TTC28: variants seen among roughly 807,000 people sequenced by gnomAD.
TTC28 encodes tetratricopeptide repeat domain 28.
A neutral mutation model predicts 198.0 loss-of-function variants in TTC28; 61 were observed. The ratio of observed to expected loss-of-function variants is 0.31; its 90% CI spans 0.25 to 0.38. TTC28 has a LOEUF of 0.38. Among genes scored for constraint, TTC28 ranks in the 10% least tolerant of loss-of-function variants. The probability of loss-of-function intolerance (pLI) is 1.00; values close to 1 mark genes in which losing one functional copy is unlikely to be tolerated. For missense variants in TTC28, 2,678 were observed against 3,164.0 expected, an observed-to-expected ratio of 0.85 and a Z score of 3.69; for synonymous variants, 1,171 against 1,297.8, an observed-to-expected ratio of 0.90 and a Z score of 2.10.
rs369634124 is a variant in TTC28 at position 28,284,602 on chromosome 22, T to G, written c.933+11596A>C. Among the ~76,000 whole-genome samples the G allele has an allele frequency of 2.0e-4, 30 of 151,948 alleles. 1 individual carries two copies. Among genetic ancestry groups the G allele is most frequent in the East Asian group, 1.9e-3 (10 of 5,170 alleles). On this transcript the variant is annotated intron_variant, in intron 5 of 22. Transcript: ENST00000397906. ...GGCAATCTACGGAATGGCAGAAAAT[T>G]TATAAAATACATATTATATAAGGGA...
chr22:28,571,755 C>A (rs1396658049), intron 2 of TTC28, among the ~76,000 whole-genome samples: 1 of 151,914 alleles, frequency 6.6e-6, no homozygotes, highest in African/African-American at 2.4e-5. Context: ...TCGAGGCCAG[C>A]CTGACAAACA....
At chr22:28,198,718 A>G (rs1159123856) in intron 5 of TTC28, among the ~76,000 whole-genome samples, 1 of 152,124 alleles carries the variant, frequency 6.6e-6, no homozygotes, top group Non-Finnish European at 1.5e-5. Flanking sequence ...CCACACACGT[A>G]TTGAGACTCA....
intron 1 of TTC28, among the ~76,000 whole-genome samples, chr22:28,652,405 G>T (rs2051579069): frequency 6.6e-6 from 1 of 152,168 alleles, no homozygotes; most frequent in Non-Finnish European, 1.5e-5. Context: ...TCTAATTGCT[G>T]TCAGAAATAA....
intron 1 of TTC28, chr22:28,642,990 C>G (rs916940072): frequency 6.6e-6 from 1 of 152,070 alleles, no homozygotes; most frequent in Non-Finnish European, 1.5e-5. Flanking sequence ...GAGACAGGGT[C>G]TCAGCCCAGG....
chr22:28,529,520 G>A (rs1216225529), intron 2 of TTC28, among the ~76,000 whole-genome samples: 1 of 152,240 alleles, frequency 6.6e-6, no homozygotes, highest in African/African-American at 2.4e-5. Context: ...AACTTCTGCA[G>A]ACTTAAACGT....
At chr22:28,037,210 AC>A (rs1939396284) in intron 12 of TTC28, among the ~76,000 whole-genome samples, 1 of 152,176 alleles carries the variant, frequency 6.6e-6, no homozygotes, top group African/African-American at 2.4e-5. Flanking sequence ...CAGAGACACA[AC>A]AAAAAAAGAG....
chr22:28,087,065 G>T lies in TTC28; in HGVS notation c.3932+7015C>A, dbSNP rs564072433. 1.1e-4 allele frequency among the ~76,000 whole-genome samples: 17 copies of T among 151,960 alleles called. 1 individual carries two copies. The highest frequency in any genetic ancestry group is 3.9e-4 in the Admixed American group (6 of 15,224). On this transcript the variant is annotated intron_variant, in intron 12 of 22. Coordinates refer to ENST00000397906, the MANE Select transcript of TTC28 (RefSeq NM_001145418.2). Reference sequence around the variant, plus strand: ...GTCCAGGACCAGACGGATTCACAGCGGAATTCTACCAGAGATACAAGGAGG... The same window carrying T: ...GTCCAGGACCAGACGGATTCACAGCTGAATTCTACCAGAGATACAAGGAGG...
chr22:27,993,123 G>A lies in TTC28; in HGVS notation c.5476+164C>T. 7.7e-6 allele frequency: 5 copies of A among 650,482 alleles called. No homozygotes were observed. In the South Asian group the frequency reaches 1.0e-4, roughly 13 times the overall value. 40.3% of individuals were successfully genotyped at this position (650,482 alleles called of 1,614,324 possible). A position where few individuals can be genotyped will look rare whatever the true frequency, so the allele number is the denominator to read the frequency against. On this transcript the variant is annotated intron_variant, in intron 18 of 22. Transcript: ENST00000397906. The stretch of plus-strand genomic sequence containing the variant: ...AGGTAAATGGCACTTGTTTCCTCCA[G>A]GTGTGGAGATGCTTGTATCTGGGAC...
chr22:28,647,169 C>T (rs2051483247), intron 1 of TTC28, among the ~76,000 whole-genome samples: 1 of 152,112 alleles, frequency 6.6e-6, no homozygotes, highest in Non-Finnish European at 1.5e-5. Flanking sequence ...GCTGGGAAGA[C>T]TGAATAGCCA....
At chr22:28,060,060 T>A (rs1940456851) in intron 12 of TTC28, among the ~76,000 whole-genome samples, 1 of 152,148 alleles carries the variant, frequency 6.6e-6, no homozygotes, top group Admixed American at 6.6e-5. Context: ...AAAGAACTAA[T>A]ATTTAATGAA....
At chr22:28,060,723 G>A (rs1416079769) in intron 12 of TTC28, among the ~76,000 whole-genome samples, 1 of 152,212 alleles carries the variant, frequency 6.6e-6, no homozygotes, top group Non-Finnish European at 1.5e-5. Context: ...CAGTGTAAAA[G>A]TGTTCCTATT....
At chr22:28,094,020 AC>A in intron 12 of TTC28, 59 bp downstream of exon 12, 1 of 1,454,902 alleles carries the variant, frequency 6.9e-7, no homozygotes, top group Non-Finnish European at 9.1e-7. Context: ...TAGGATGTTT[AC>A]AAAAAATAAT....
At chr22:28,443,221 G>C (rs1411685300) in intron 2 of TTC28, 1 of 152,218 alleles carries the variant, frequency 6.6e-6, no homozygotes, top group Non-Finnish European at 1.5e-5. Flanking sequence ...GGGTCTCCAA[G>C]CTGGCTGCAG....
At chr22:28,230,335 G>T (rs1465094677) in intron 5 of TTC28, among the ~76,000 whole-genome samples, 1 of 152,204 alleles carries the variant, frequency 6.6e-6, no homozygotes, top group Non-Finnish European at 1.5e-5. Flanking sequence ...ATTCCACAGA[G>T]AGATCTGTTG....
chr22:28,049,950 T>G (rs984617339), intron 12 of TTC28, among the ~76,000 whole-genome samples: 2 of 152,140 alleles, frequency 1.3e-5, no homozygotes, highest in Non-Finnish European at 2.9e-5. Flanking sequence ...GGCTCTCCAG[T>G]TCTAAACCTA....
At chr22:28,157,824 A>T (rs577764457) in intron 6 of TTC28, among the ~76,000 whole-genome samples, 1 of 152,320 alleles carries the variant, frequency 6.6e-6, no homozygotes, top group South Asian at 2.1e-4. Context: ...AAATGAGGAA[A>T]ATCTGAAAGC....
At chr22:28,389,321 T>C (rs1337589830) in intron 2 of TTC28, among the ~76,000 whole-genome samples, 2 of 152,074 alleles carry the variant, frequency 1.3e-5, no homozygotes, top group Admixed American at 6.6e-5. Flanking sequence ...GTTGTGTCTC[T>C]GCCCGGCTTT....
intron 5 of TTC28, among the ~76,000 whole-genome samples, chr22:28,223,775 C>T (rs1439942593): frequency 6.6e-6 from 1 of 152,090 alleles, no homozygotes; most frequent in Non-Finnish European, 1.5e-5. Context: ...AAAGAAATGG[C>T]TTTCTAAATT....
intron 2 of TTC28, among the ~76,000 whole-genome samples, chr22:28,414,672 G>C (rs2047141052): frequency 6.6e-6 from 1 of 152,178 alleles, no homozygotes; most frequent in African/African-American, 2.4e-5. Flanking sequence ...ATTGAAGAGG[G>C]AAGGACAGGG....
Sources: gnomAD v4.1 joint callset for allele counts (sites outside exome capture counted in the v4.1 genomes callset) on GRCh38, gnomAD v4.1.1 for gene constraint, MANE v1.5 for transcripts, NCBI Gene and HGNC (gene_info 2026-07-23, HGNC 2026-07-21) for gene names.